The following MSH3 variants were observed in gnomAD, a reference collection of about 807,000 sequenced individuals.
MSH3 encodes the protein mutS homolog 3, also known as DNA mismatch repair protein Msh3.
A neutral mutation model predicts 123.3 loss-of-function variants in MSH3; 106 were observed. That is an observed-to-expected ratio of 0.86 (90% CI 0.73 to 1.01). MSH3 has a LOEUF of 1.01. Ranked by LOEUF, MSH3 falls within the 50% of genes least tolerant of loss-of-function variation. The pLI is 0.00. For synonymous variants in MSH3, 515 were observed against 481.4 expected (o/e 1.07, Z -0.91); for missense variants, 1,459 against 1,347.6 (o/e 1.08, Z -1.29).
chr5:80,699,558 C>CAA (rs55795731), intron 8 of MSH3, among the ~76,000 whole-genome samples: 260 of 78,394 alleles, frequency 3.3e-3, no homozygotes, highest in Non-Finnish European at 4.7e-3. Flanking sequence ...ACACTGTCTC[C>CAA]AAAAAAAAAA....
chr5:80,867,035 G>A (rs1746112721), intron 22 of MSH3, among the ~76,000 whole-genome samples: 1 of 152,164 alleles, frequency 6.6e-6, no homozygotes, highest in African/African-American at 2.4e-5. Context: ...CTGCTCATCT[G>A]AACTGGCTGC....
chr5:80,840,228 A>G (rs1254652108), intron 20 of MSH3, among the ~76,000 whole-genome samples: 2 of 152,134 alleles, frequency 1.3e-5, no homozygotes, highest in African/African-American at 4.8e-5. Flanking sequence ...TTCTCTTTAG[A>G]GCTAAATATA....
chr5:80,690,496 G>A (rs1215929679), intron 8 of MSH3, among the ~76,000 whole-genome samples: 1 of 151,898 alleles, frequency 6.6e-6, no homozygotes. Flanking sequence ...TTGTAGAGAC[G>A]TATTTTCGTA....
intron 19 of MSH3, among the ~76,000 whole-genome samples, chr5:80,796,402 C>A (rs896174136): frequency 6.8e-6 from 1 of 147,144 alleles, no homozygotes; most frequent in South Asian, 2.3e-4. Context: ...CCAGAATATT[C>A]GTTTCTATTA....
At chr5:80,791,718 C>T (rs1344329143) in intron 18 of MSH3, among the ~76,000 whole-genome samples, 9 of 152,134 alleles carry the variant, frequency 5.9e-5, no homozygotes, top group South Asian at 2.1e-4. Context: ...TGTGTGTGTA[C>T]TGAGAGTTAA....
chr5:80,779,036 G>A (rs1357429332), intron 17 of MSH3, among the ~76,000 whole-genome samples, 200 bp downstream of exon 17: 1 of 148,954 alleles, frequency 6.7e-6, no homozygotes, highest in African/African-American at 2.5e-5. Flanking sequence ...TTGTCACCGA[G>A]GCTGGAGTGC....
intron 8 of MSH3, among the ~76,000 whole-genome samples, chr5:80,680,063 A>G (rs936231685): frequency 2.6e-5 from 4 of 151,846 alleles, no homozygotes. Context: ...GCAGTTCAAG[A>G]CAGCTTGGCC....
intron 20 of MSH3, among the ~76,000 whole-genome samples, chr5:80,820,515 C>T (rs1333541883): frequency 6.6e-6 from 1 of 151,724 alleles, no homozygotes; most frequent in Non-Finnish European, 1.5e-5. Context: ...TCCCCTATTC[C>T]TAGTACTAAG....
At chr5:80,673,861 T>TA (rs1239049240) in intron 6 of MSH3, among the ~76,000 whole-genome samples, 1 of 151,972 alleles carries the variant, frequency 6.6e-6, no homozygotes, top group Non-Finnish European at 1.5e-5. Context: ...AGGGTGCATT[T>TA]AAAAAAAATT....
At chr5:80,778,921 G>T (rs1375461542) in intron 17 of MSH3, 85 bp downstream of exon 17, 2 of 789,284 alleles carry the variant, frequency 2.5e-6, no homozygotes, top group Non-Finnish European at 4.5e-6. Context: ...AGAAAATAGA[G>T]ATTACAGCTC....
intron 8 of MSH3, among the ~76,000 whole-genome samples, chr5:80,722,493 A>G (rs1423643076): frequency 1.3e-5 from 2 of 152,196 alleles, no homozygotes; most frequent in Non-Finnish European, 2.9e-5. Flanking sequence ...ATCATCTACT[A>G]ATTTTCATTA....
chr5:80,732,741 G>A (rs949395109), intron 10 of MSH3, among the ~76,000 whole-genome samples: 1 of 152,070 alleles, frequency 6.6e-6, no homozygotes, highest in African/African-American at 2.4e-5. Flanking sequence ...TTAAAAATCT[G>A]GAAGCCAATC....
intron 8 of MSH3, among the ~76,000 whole-genome samples, chr5:80,702,054 G>T (rs1458300500): frequency 6.6e-6 from 1 of 151,688 alleles, no homozygotes; most frequent in Non-Finnish European, 1.5e-5. Flanking sequence ...ACTTGATTTT[G>T]TATCAATAAT....
intron 3 of MSH3, among the ~76,000 whole-genome samples, chr5:80,666,524 C>G (rs3797877): frequency 0.076 from 11,551 of 152,134 alleles, 852 homozygotes; most frequent in East Asian, 0.33. Flanking sequence ...AGCAGTTCAC[C>G]TAAGTATAGT....
At chr5:80,861,958 CCTT>C (rs1746019198) in intron 21 of MSH3, among the ~76,000 whole-genome samples, 1 of 152,112 alleles carries the variant, frequency 6.6e-6, no homozygotes, top group Non-Finnish European at 1.5e-5. Flanking sequence ...TAACCTCCAA[CCTT>C]CTTATATGCT....
intron 22 of MSH3, among the ~76,000 whole-genome samples, chr5:80,868,967 G>A (rs1404268579): frequency 6.6e-6 from 1 of 152,070 alleles, no homozygotes; most frequent in African/African-American, 2.4e-5. Context: ...TTCTGTATGA[G>A]GTAGAGGCCA....
chr5:80,688,744 AT>A lies in MSH3; in HGVS notation c.1340+9664del, dbSNP rs34460642. Among the ~76,000 whole-genome samples the A allele has an allele frequency of 5.2e-3, 771 of 148,022 alleles. 3 individuals are homozygous for A. Among genetic ancestry groups the A allele is most frequent in the Middle Eastern group, 0.025 (7 of 284 alleles). Reference sequence around the variant, plus strand: ...ATTAAACATTAGTATAAAGGTTTCAATTTTTTTTTTTTTAAAGAATGAGAGT... The same window carrying A: ...ATTAAACATTAGTATAAAGGTTTCAATTTTTTTTTTTTAAAGAATGAGAGT... On this transcript the variant is annotated intron_variant, in intron 8 of 23. Transcript: ENST00000265081.
intron 20 of MSH3, among the ~76,000 whole-genome samples, chr5:80,829,540 A>G (rs1288595004): frequency 6.6e-6 from 1 of 152,166 alleles, no homozygotes; most frequent in African/African-American, 2.4e-5. Context: ...GATTATGTTA[A>G]CTGGTGATCA....
intron 8 of MSH3, among the ~76,000 whole-genome samples, chr5:80,691,867 G>GTA (rs1455505306): frequency 6.3e-4 from 88 of 140,118 alleles, no homozygotes; most frequent in Admixed American, 9.7e-4. Context: ...AGCTAAACAT[G>GTA]TATGTTTATA....
Sources: gnomAD v4.1 joint callset for allele counts (sites outside exome capture counted in the v4.1 genomes callset) on GRCh38, gnomAD v4.1.1 for gene constraint, MANE v1.5 for transcripts, NCBI Gene and HGNC (gene_info 2026-07-23, HGNC 2026-07-21) for gene names.